DGKG: variants seen among roughly 807,000 people sequenced by gnomAD.
DGKG encodes diacylglycerol kinase gamma.
In DGKG, 78 loss-of-function variants were observed where a neutral mutation model predicts 105.3. The observed-to-expected ratio is 0.74, with a 90% CI of 0.62 to 0.89. The LOEUF is 0.89. Ranked by LOEUF, DGKG falls within the 40% of genes least tolerant of loss-of-function variation. The probability of loss-of-function intolerance (pLI) is 0.00; values close to 1 mark genes in which losing one functional copy is unlikely to be tolerated. For missense variants in DGKG, 958 were observed against 1,020.1 expected (o/e 0.94, Z 0.83); for synonymous variants, 346 against 367.1 (o/e 0.94, Z 0.66).
At position 186,306,495 on chromosome 3, in the gene DGKG, G is replaced by T. The variant is rs1275958523; in HGVS notation, c.144+406C>A. Among the ~76,000 whole-genome samples the T allele has an allele frequency of 3.9e-5, 6 of 152,260 alleles. No homozygotes were observed. In the South Asian group the frequency reaches 1.0e-3, roughly 26 times the overall value. ...AGAGGATGGGGTTGAGTGCACACGTGGGGGAGTTGGACGTAGATAGGAGCA... is the reference window on the plus strand; with the variant it reads ...AGAGGATGGGGTTGAGTGCACACGTTGGGGAGTTGGACGTAGATAGGAGCA... On this transcript the variant is annotated intron_variant, in intron 3 of 24. Transcript: ENST00000265022.
At chr3:186,191,063 G>A (rs1381810896) in intron 21 of DGKG, among the ~76,000 whole-genome samples, 1 of 152,162 alleles carries the variant, frequency 6.6e-6, no homozygotes, top group Non-Finnish European at 1.5e-5. Context: ...ATGAGCCCCA[G>A]TGAGGTTAAG....
At position 186,298,113 on chromosome 3, in the gene DGKG, G is replaced by A; in HGVS notation, c.261C>T (p.Thr87=). The stretch of plus-strand genomic sequence containing the variant: ...TGGCTCCCTCCGTCGGGTGGTCAGA[G>A]GTCTCGTGTCTGGGCTTCTGGCTGA... ...LAFSQKPRHE[T]SDHPTEGASN... is the part of the protein sequence containing the mutation. Residue 87 remains threonine (T), a synonymous_variant, in exon 4 of 25, where the codon ACC becomes ACT. Transcript: ENST00000265022. The A allele has an allele frequency of 5.6e-6, 9 of 1,614,106 alleles. No individual in the cohort carries two copies. Among genetic ancestry groups the A allele is most frequent in the Non-Finnish European group, 7.6e-6 (9 of 1,179,986 alleles).
rs529758892 is a variant in DGKG, at chr3:186,253,790, T to A, written c.1511-608A>T. On this transcript the variant is annotated intron_variant, in intron 17 of 24. Coordinates refer to ENST00000265022, the MANE Select transcript of DGKG (RefSeq NM_001346.3). The stretch of plus-strand genomic sequence containing the variant: ...CCTCTCTTCAGGGGCCAGGCAGGTA[T>A]ACAGATTAGTAAAACAGGTGGGGCT... Among the ~76,000 whole-genome samples, 23 of 152,272 alleles carry A rather than the reference T, an allele frequency of 1.5e-4. No individual in the cohort carries two copies. In the South Asian group the frequency reaches 4.1e-3, roughly 27 times the overall value.
At position 186,280,383 on chromosome 3, in the gene DGKG, C is replaced by A. The variant is rs139445345; in HGVS notation, c.669+287G>T. Among the ~76,000 whole-genome samples the A allele has an allele frequency of 1.2e-3, 183 of 152,330 alleles. 5 individuals carry two copies. Among genetic ancestry groups the A allele is most frequent in the Middle Eastern group, 6.8e-3 (2 of 294 alleles). On this transcript the variant is annotated intron_variant, in intron 8 of 24. Coordinates refer to ENST00000265022, the MANE Select transcript of DGKG (RefSeq NM_001346.3). ...CTCTACAATTCTTTCTAATAGAAAT[C>A]TCTACAGTTCTCTCTAAATTCTTTG...
At chr3:186,267,502 G>A (rs1351227497) in intron 13 of DGKG, 183 bp downstream of exon 13, 7 of 565,996 alleles carry the variant, frequency 1.2e-5, no homozygotes, top group Non-Finnish European at 1.9e-5. Context: ...GTGTCTGCCT[G>A]TGTAACAAAC....
At chr3:186,318,630 T>C (rs1174592497) in intron 2 of DGKG, among the ~76,000 whole-genome samples, 1 of 152,106 alleles carries the variant, frequency 6.6e-6, no homozygotes, top group African/African-American at 2.4e-5. Context: ...GGGGGAACTT[T>C]GGACACAGAG....
intron 11 of DGKG, among the ~76,000 whole-genome samples, chr3:186,270,670 T>C (rs1722273273): frequency 6.6e-6 from 1 of 152,196 alleles, no homozygotes; most frequent in African/African-American, 2.4e-5. Context: ...AAAATGAAAG[T>C]TTCAGAGAGG....
chr3:186,147,565 T>C lies in DGKG; in HGVS notation c.*2525A>G, dbSNP rs1012914222. 23 of 985,322 alleles carry C rather than the reference T, an allele frequency of 2.3e-5. No homozygotes were observed. The highest frequency in any genetic ancestry group is 5.2e-4 in the Middle Eastern group (1 of 1,934). 61.0% of individuals were successfully genotyped at this position (985,322 alleles called of 1,614,324 possible). A position where few individuals can be genotyped will look rare whatever the true frequency, so the allele number is the denominator to read the frequency against. ...AAGTGCAATTCCACTGAAGTTGTTA[T>C]ACTCCATGCCTCTAAGAAGGACTTG... On this transcript the variant is annotated 3_prime_UTR_variant, in exon 25 of 25. Coordinates refer to ENST00000265022, the MANE Select transcript of DGKG (RefSeq NM_001346.3).
intron 22 of DGKG, among the ~76,000 whole-genome samples, chr3:186,177,654 T>C (rs1036203903): frequency 2.0e-5 from 3 of 152,224 alleles, no homozygotes; most frequent in Non-Finnish European, 4.4e-5. Context: ...TCTCCTCCTC[T>C]GCAGACTTGG....
At chr3:186,305,684 AT>A (rs1472318344) in intron 3 of DGKG, among the ~76,000 whole-genome samples, 6 of 152,210 alleles carry the variant, frequency 3.9e-5, no homozygotes, top group South Asian at 2.1e-4. Flanking sequence ...AAATATGGTG[AT>A]GACTCAGGTC....
chr3:186,214,642 T>C (rs1719190490), intron 20 of DGKG, among the ~76,000 whole-genome samples: 1 of 152,236 alleles, frequency 6.6e-6, no homozygotes, highest in African/African-American at 2.4e-5. Context: ...CCCTAATCCT[T>C]GATTAATTAT....
At chr3:186,161,706 G>A (rs1433675492) in intron 23 of DGKG, 43 bp from the exon 24 acceptor site, 4 of 1,613,788 alleles carry the variant, frequency 2.5e-6, no homozygotes, top group Admixed American at 1.7e-5. Flanking sequence ...GCTTTTTCAA[G>A]TGGGAGAATC....
chr3:186,259,323 T>TG (rs1399081985), intron 16 of DGKG, among the ~76,000 whole-genome samples: 1 of 152,040 alleles, frequency 6.6e-6, no homozygotes, highest in African/African-American at 2.4e-5. Flanking sequence ...AAGGTGTCTG[T>TG]GGGGGGCTGC....
chr3:186,357,428 GATAA>G (rs1727022673), intron 1 of DGKG, among the ~76,000 whole-genome samples: 2 of 151,508 alleles, frequency 1.3e-5, no homozygotes, highest in Admixed American at 1.3e-4. Context: ...AAAAAGAGAA[GATAA>G]ATAAAGAGAA....
intron 1 of DGKG, among the ~76,000 whole-genome samples, chr3:186,355,734 C>T (rs572828395): frequency 6.6e-6 from 1 of 152,186 alleles, no homozygotes; most frequent in Admixed American, 6.5e-5. Context: ...CATCACTGTC[C>T]TACCACCAGC....
chr3:186,279,699 C>T, intron 9 of DGKG, 152 bp downstream of exon 9: 1 of 741,688 alleles, frequency 1.3e-6, no homozygotes, highest in Non-Finnish European at 2.1e-6. Context: ...CTAATGGATA[C>T]AAAATAATGT....
chr3:186,256,299 C>T (rs1721468352), intron 17 of DGKG, among the ~76,000 whole-genome samples: 1 of 152,206 alleles, frequency 6.6e-6, no homozygotes. Context: ...GGTCTACTTA[C>T]AGCCCCCGGA....
At position 186,253,128 on chromosome 3, in the gene DGKG, C is replaced by T. The variant is rs752943537; in HGVS notation, c.1565G>A (p.Gly522Glu). ...PPVAVLPLGT[G>E]NDLARCLRWG... ...GCGGAGACAACGGGCAAGGTCATTT[C>T]CTGTTCCAAGAGGCAGGACAGCCAC... Residue 522 changes from glycine to glutamate, a missense_variant, in exon 18 of 25, where the codon GGA becomes GAA. Physicochemically the swap from Gly to Glu is moderately conservative, Grantham distance 98. Around this residue, in one of 2 missense-constraint regions of DGKG, gnomAD observed 315 missense variants for 400.6 expected, o/e 0.79. Coordinates refer to ENST00000265022, the MANE Select transcript of DGKG (RefSeq NM_001346.3). 1 of 1,614,236 alleles carries T rather than the reference C, an allele frequency of 6.2e-7. No individual in the cohort carries two copies. The highest frequency in any genetic ancestry group is 8.5e-7 in the Non-Finnish European group (1 of 1,180,036).
At chr3:186,180,282 C>T (rs1347727635) in intron 22 of DGKG, among the ~76,000 whole-genome samples, 1 of 152,022 alleles carries the variant, frequency 6.6e-6, no homozygotes. Flanking sequence ...TAGTTTGGGG[C>T]ATGTTGATTT....
Sources: gnomAD v4.1 joint callset for allele counts (sites outside exome capture counted in the v4.1 genomes callset) on GRCh38, gnomAD v4.1.1 for gene constraint, gnomAD v4.1.1 regional missense constraint, MANE v1.5 for transcripts, NCBI Gene and HGNC (gene_info 2026-07-23, HGNC 2026-07-21) for gene names.